The following ZNF567 variants were observed in gnomAD, a reference collection of about 807,000 sequenced individuals.
The protein encoded by ZNF567 is zinc finger protein 567.
In ZNF567, 36 loss-of-function variants were observed where a neutral mutation model predicts 53.9. That is an observed-to-expected ratio of 0.67 (90% CI 0.51 to 0.88). The LOEUF (loss-of-function observed/expected upper bound fraction) is 0.88. Among genes scored for constraint, ZNF567 ranks in the 40% least tolerant of loss-of-function variants. The pLI is 0.00. For synonymous variants in ZNF567, 224 were observed against 260.4 expected (o/e 0.86, Z 1.35); for missense variants, 619 against 764.7 (o/e 0.81, Z 2.25).
chr19:36,695,744 GTCT>G (rs2038854337), intron 3 of ZNF567, among the ~76,000 whole-genome samples: 1 of 151,476 alleles, frequency 6.6e-6, no homozygotes, highest in African/African-American at 2.4e-5. Context: ...TCCTCTCTCA[GTCT>G]TCTTCCAGAA....
intron 5 of ZNF567, among the ~76,000 whole-genome samples, chr19:36,715,155 T>G (rs1455795093): frequency 6.6e-6 from 1 of 151,826 alleles, no homozygotes; most frequent in Non-Finnish European, 1.5e-5. Flanking sequence ...TTCCCCACTA[T>G]TTATTTATTT....
At chr19:36,722,592 G>A (rs1448555226), downstream of ZNF567, among the ~76,000 whole-genome samples, 2 of 152,184 alleles carry the variant, frequency 1.3e-5, no homozygotes, top group Non-Finnish European at 2.9e-5. Context: ...GAGCCACCGT[G>A]CCCAGCCTGA....
chr19:36,681,018 A>G, the ZNF567 span, among the ~76,000 whole-genome samples: 2 of 152,232 alleles, frequency 1.3e-5, no homozygotes, highest in Non-Finnish European at 2.9e-5. Flanking sequence ...GGACATGGAC[A>G]TATCTTTTTG....
chr19:36,697,011 G>C (rs1172421136), intron 3 of ZNF567, among the ~76,000 whole-genome samples: 1 of 152,170 alleles, frequency 6.6e-6, no homozygotes, highest in South Asian at 2.1e-4. Context: ...CAGATGGAAA[G>C]TGCCTTAGAG....
At chr19:36,702,250 G>GC (rs1363560630) in intron 3 of ZNF567, among the ~76,000 whole-genome samples, 1 of 152,028 alleles carries the variant, frequency 6.6e-6, no homozygotes, top group Non-Finnish European at 1.5e-5. Flanking sequence ...TTGAATATTG[G>GC]CCCCCACTGT....
At chr19:36,707,687 C>T (rs1347041426) in intron 3 of ZNF567, among the ~76,000 whole-genome samples, 1 of 152,080 alleles carries the variant, frequency 6.6e-6, no homozygotes. Context: ...AAGTGATTCT[C>T]CTGCCTCAGC....
At chr19:36,679,638 AC>A in the ZNF567 span, among the ~76,000 whole-genome samples, 1 of 152,238 alleles carries the variant, frequency 6.6e-6, no homozygotes, top group Non-Finnish European at 1.5e-5. Context: ...ACAGTGGAAT[AC>A]TATTCAGCCT....
chr19:36,667,098 G>C, the ZNF567 span, among the ~76,000 whole-genome samples: 2 of 152,208 alleles, frequency 1.3e-5, no homozygotes, highest in East Asian at 1.9e-4. Context: ...TTCGGCGGGC[G>C]CGGACTAACC....
chr19:36,704,154 T>C (rs2039367333), intron 3 of ZNF567, among the ~76,000 whole-genome samples: 1 of 152,224 alleles, frequency 6.6e-6, no homozygotes, highest in Non-Finnish European at 1.5e-5. Flanking sequence ...CAAAAGTTTT[T>C]CTGGGCCAGG....
At chr19:36,725,914 A>G (rs1233092685), downstream of ZNF567, among the ~76,000 whole-genome samples, 2 of 152,136 alleles carry the variant, frequency 1.3e-5, no homozygotes, top group African/African-American at 4.8e-5. Flanking sequence ...CCAGGATTTC[A>G]AGGGCATGAA....
At chr19:36,681,400 C>G in the ZNF567 span, among the ~76,000 whole-genome samples, 2 of 151,910 alleles carry the variant, frequency 1.3e-5, no homozygotes, top group Non-Finnish European at 2.9e-5. Flanking sequence ...TCTTTTCTGT[C>G]AGGTTTTTGG....
At chr19:36,702,043 AT>A (rs1437808074) in intron 3 of ZNF567, among the ~76,000 whole-genome samples, 1 of 151,530 alleles carries the variant, frequency 6.6e-6, no homozygotes, top group African/African-American at 2.4e-5. Context: ...TTTTGGCATG[AT>A]TTTGCAGCGG....
chr19:36,712,481 G>A lies in ZNF567; in HGVS notation c.105G>A (p.Met35Ile), dbSNP rs1188798868. ...HAQKTLYMDV[M>I]LENYCHLISV... The stretch of plus-strand genomic sequence containing the variant: ...AGAAGACTCTATATATGGATGTGAT[G>A]TTGGAAAACTATTGCCACCTCATCT... Residue 35 changes from methionine (M) to isoleucine (I), a missense_variant, in exon 4 of 6, where the codon ATG (methionine) becomes ATA (isoleucine). Physicochemically the swap from Met to Ile is conservative, Grantham distance 10. Transcript: ENST00000682579. 2.5e-6 allele frequency: 4 copies of A among 1,614,132 alleles called. No individual in the cohort carries two copies. Among genetic ancestry groups the A allele is most frequent in the Admixed American group, 1.7e-5 (1 of 60,018 alleles).
intron 4 of ZNF567, 72 bp downstream of exon 4, chr19:36,712,584 G>A: frequency 6.3e-7 from 1 of 1,585,274 alleles, no homozygotes; most frequent in Non-Finnish European, 8.6e-7. Flanking sequence ...GTATAATCTT[G>A]AATTTCAGGA....
Position 36,714,309 on chromosome 19 carries a change from G to A in ZNF567, c.223+1442G>A, listed in dbSNP as rs894876467. 1.8e-5 allele frequency: 6 copies of A among 332,468 alleles called. No individual in the cohort carries two copies. The South Asian group carries it at 4.7e-4, about 26-fold the overall frequency. 20.6% of individuals were successfully genotyped at this position (332,468 alleles called of 1,614,324 possible). A position where few individuals can be genotyped will look rare whatever the true frequency, so the allele number is the denominator to read the frequency against. On this transcript the variant is annotated intron_variant, in intron 5 of 5. Coordinates refer to ENST00000682579, the MANE Select transcript of ZNF567 (RefSeq NM_001322917.1). ...CCTAAGTAGCTGGGATTACAGGTGC[G>A]CATCAACAGGCCTGGCTAACTTTTT...
At chr19:36,704,205 C>A (rs955990588) in intron 3 of ZNF567, among the ~76,000 whole-genome samples, 1 of 152,060 alleles carries the variant, frequency 6.6e-6, no homozygotes, top group Non-Finnish European at 1.5e-5. Flanking sequence ...TTTGGGAGGC[C>A]AGGGCAGGCG....
intron 3 of ZNF567, among the ~76,000 whole-genome samples, chr19:36,695,491 T>A (rs1226741602): frequency 6.6e-6 from 1 of 152,032 alleles, no homozygotes; most frequent in Non-Finnish European, 1.5e-5. Context: ...ATTACGCTGC[T>A]GCACTCCAGC....
chr19:36,695,190 G>A (rs1194543144), intron 3 of ZNF567, among the ~76,000 whole-genome samples: 1 of 150,996 alleles, frequency 6.6e-6, no homozygotes, highest in Non-Finnish European at 1.5e-5. Flanking sequence ...AGACCAGCCA[G>A]CCTGGGCAAC....
At chr19:36,715,599 G>T (rs1014727118) in intron 5 of ZNF567, among the ~76,000 whole-genome samples, 1 of 149,012 alleles carries the variant, frequency 6.7e-6, no homozygotes, top group Admixed American at 6.7e-5. Context: ...GCTCGATCTC[G>T]ACTCACCGCA....
Sources: allele counts gnomAD v4.1 joint callset (sites outside exome capture counted in the v4.1 genomes callset), GRCh38; gene constraint gnomAD v4.1.1; transcripts MANE v1.5; gene names NCBI Gene and HGNC (gene_info 2026-07-23, HGNC 2026-07-21).